Variants in ARMC2 observed in about 807,000 individuals in gnomAD.
ARMC2 encodes the protein armadillo repeat containing 2.
In ARMC2, 67 loss-of-function variants were observed where a neutral mutation model predicts 90.3. The observed-to-expected ratio is 0.74, with a 90% confidence interval of 0.61 to 0.91. The LOEUF (loss-of-function observed/expected upper bound fraction) is 0.91. Ranked by LOEUF, ARMC2 falls within the 40% of genes least tolerant of loss-of-function variation. The pLI is 0.00. For synonymous variants in ARMC2, 393 were observed against 393.0 expected, an observed-to-expected ratio of 1.00 and a Z score of 0.00; for missense variants, 920 against 1,030.9, an observed-to-expected ratio of 0.89 and a Z score of 1.47.
intron 1 of ARMC2, 120 bp downstream of exon 1, chr6:108,848,666 G>A (rs940487878): frequency 6.6e-6 from 1 of 152,546 alleles, no homozygotes; most frequent in African/African-American, 2.4e-5. Context: ...GCGGCGGCGG[G>A]AGGTAGTTTG....
chr6:108,874,335 C>T (rs1340230843), intron 4 of ARMC2, among the ~76,000 whole-genome samples: 1 of 152,234 alleles, frequency 6.6e-6, no homozygotes, highest in African/African-American at 2.4e-5. Context: ...ACCATGGCTT[C>T]ACCCGTGCAG....
At chr6:109,050,430 TAG>T in the ARMC2 span, among the ~76,000 whole-genome samples, 7 of 150,792 alleles carry the variant, frequency 4.6e-5, no homozygotes, top group East Asian at 7.8e-4. Flanking sequence ...CAGTGAATCA[TAG>T]ACTTTCCATC....
intron 2 of ARMC2, among the ~76,000 whole-genome samples, chr6:108,857,219 T>C (rs528312161): frequency 5.3e-5 from 8 of 152,364 alleles, no homozygotes; most frequent in African/African-American, 1.9e-4. Flanking sequence ...ATCTCTTCAT[T>C]TATTTAGTTT....
the ARMC2 span, among the ~76,000 whole-genome samples, chr6:109,041,324 T>A: frequency 8.4e-4 from 127 of 151,864 alleles, no homozygotes; most frequent in Admixed American, 2.3e-3. Context: ...AATAATAATT[T>A]AAAAAAATAA....
the ARMC2 span, among the ~76,000 whole-genome samples, chr6:109,049,277 GAA>G: frequency 1.3e-5 from 2 of 151,666 alleles, no homozygotes; most frequent in East Asian, 3.9e-4. Context: ...GCCAGGAACA[GAA>G]AGTTAAACAT....
chr6:108,952,713 G>A (rs918341507), intron 12 of ARMC2, among the ~76,000 whole-genome samples: 2 of 152,218 alleles, frequency 1.3e-5, no homozygotes, highest in Non-Finnish European at 2.9e-5. Context: ...CTCATTTTTA[G>A]TAATGCTGTC....
chr6:109,014,052 A>C, the ARMC2 span, among the ~76,000 whole-genome samples: 1 of 150,918 alleles, frequency 6.6e-6, no homozygotes, highest in African/African-American at 2.4e-5. Context: ...ATATCACTTT[A>C]AAGGAGCAAG....
chr6:108,920,153 C>A (rs918716255), intron 10 of ARMC2, among the ~76,000 whole-genome samples: 1 of 152,016 alleles, frequency 6.6e-6, no homozygotes, highest in Non-Finnish European at 1.5e-5. Context: ...TGGTATTGAT[C>A]ACTACACTGG....
intron 5 of ARMC2, among the ~76,000 whole-genome samples, chr6:108,889,196 G>A (rs766378941): frequency 1.2e-4 from 19 of 152,086 alleles, no homozygotes; most frequent in Non-Finnish European, 2.5e-4. Flanking sequence ...ACCCAGGCTG[G>A]AGTGAAGTGT....
At chr6:108,932,446 T>G (rs1312139986) in intron 11 of ARMC2, among the ~76,000 whole-genome samples, 1 of 151,292 alleles carries the variant, frequency 6.6e-6, no homozygotes, top group Non-Finnish European at 1.5e-5. Context: ...GGGTCCAGCT[T>G]CAGTCTTCTG....
intron 6 of ARMC2, among the ~76,000 whole-genome samples, chr6:108,897,815 T>C (rs1290768861): frequency 6.6e-6 from 1 of 152,224 alleles, no homozygotes; most frequent in Non-Finnish European, 1.5e-5. Context: ...ATTTCTCTGC[T>C]ATTTTCACAG....
At chr6:108,865,683 C>T (rs1775742717) in intron 3 of ARMC2, among the ~76,000 whole-genome samples, 1 of 152,148 alleles carries the variant, frequency 6.6e-6, no homozygotes, top group Admixed American at 6.5e-5. Context: ...CGGTGACTCT[C>T]TTTTGGGGAA....
At position 108,910,930 on chromosome 6, in the gene ARMC2, T is replaced by C. The variant is rs1189606132; in HGVS notation, c.1055T>C (p.Val352Ala). 2.5e-6 allele frequency: 4 copies of C among 1,575,616 alleles called. No homozygotes were observed. The highest frequency in any genetic ancestry group is 1.3e-5 in the African/African-American group (1 of 74,288). ...GTGAGTAGAAAGAATCTTCTTAATGTCTGCAAACTTATATTTAAAATTAGC... is the reference window on the plus strand; with the variant it reads ...GTGAGTAGAAAGAATCTTCTTAATGCCTGCAAACTTATATTTAAAATTAGC... ...LKVSRKNLLN[V>A]CKLIFKISRN... The change falls in exon 9 of 18, where the codon GTC becomes GCC. Residue 352 changes from valine (V) to alanine (A), a missense_variant. Coordinates refer to ENST00000392644, the MANE Select transcript of ARMC2 (RefSeq NM_032131.6).
At chr6:109,043,946 G>A in the ARMC2 span, among the ~76,000 whole-genome samples, 3 of 152,058 alleles carry the variant, frequency 2.0e-5, no homozygotes, top group Non-Finnish European at 4.4e-5. Context: ...ATTGGTGAAA[G>A]GACAGATACA....
chr6:109,006,372 A>G, the ARMC2 span, among the ~76,000 whole-genome samples: 1 of 152,094 alleles, frequency 6.6e-6, no homozygotes, highest in Non-Finnish European at 1.5e-5. Context: ...ATATGTATGC[A>G]TGTGCCATGT....
At chr6:109,012,747 G>A in the ARMC2 span, among the ~76,000 whole-genome samples, 1 of 151,454 alleles carries the variant, frequency 6.6e-6, no homozygotes, top group South Asian at 2.1e-4. Context: ...TGATCCATTA[G>A]GGAAGCAGAA....
chr6:108,939,396 C>T (rs910199492), intron 12 of ARMC2, among the ~76,000 whole-genome samples: 4 of 152,222 alleles, frequency 2.6e-5, no homozygotes, highest in African/African-American at 9.6e-5. Flanking sequence ...TGGGTTAGCA[C>T]CATCCCCCTG....
chr6:108,975,249 T>A (rs571768817), downstream of ARMC2, among the ~76,000 whole-genome samples: 1 of 151,772 alleles, frequency 6.6e-6, no homozygotes, highest in Non-Finnish European at 1.5e-5. Flanking sequence ...AATGAGAACA[T>A]GTGGTGTTTG....
intron 12 of ARMC2, among the ~76,000 whole-genome samples, chr6:108,951,476 G>GT (rs1777173466): frequency 1.3e-5 from 2 of 152,220 alleles, no homozygotes; most frequent in Non-Finnish European, 2.9e-5. Flanking sequence ...ACCATCTCCA[G>GT]TTTTTGCTGT....
Sources: allele counts gnomAD v4.1 joint callset (sites outside exome capture counted in the v4.1 genomes callset), GRCh38; gene constraint gnomAD v4.1.1; transcripts MANE v1.5; gene names NCBI Gene and HGNC (gene_info 2026-07-23, HGNC 2026-07-21).